The following CFAP54 variants were observed in gnomAD, a reference collection of about 807,000 sequenced individuals.
CFAP54 encodes cilia and flagella associated protein 54, also known as cilia- and flagella-associated protein 54.
Under a neutral mutation model 370.4 loss-of-function variants are expected in CFAP54, and 290 were observed. The observed-to-expected ratio is 0.78, with a 90% CI of 0.71 to 0.86. CFAP54 has a LOEUF of 0.86. Ranked by LOEUF, CFAP54 falls within the 40% of genes least tolerant of loss-of-function variation. CFAP54 has a pLI of 0.00. For missense variants in CFAP54, 3,399 were observed against 3,528.7 expected, an observed-to-expected ratio of 0.96 and a Z score of 0.93; for synonymous variants, 1,206 against 1,236.5, an observed-to-expected ratio of 0.98 and a Z score of 0.52.
intron 11 of CFAP54, among the ~76,000 whole-genome samples, chr12:96,535,008 C>CTGTG (rs4018882): frequency 0.059 from 8,070 of 137,290 alleles, 245 homozygotes; most frequent in African/African-American, 0.079. Context: ...GTTTTCTTTT[C>CTGTG]TGTGTGTGTG....
rs1958928979 is a variant in CFAP54 at position 96,811,632 on chromosome 12, C to T, written c.8851-104C>T. On this transcript the variant is annotated intron_variant, in intron 63 of 67. Coordinates refer to ENST00000524981, the MANE Select transcript of CFAP54 (RefSeq NM_001306084.2). ...CCAATTTTTCTCTTCTAAACAAATACTTTTCAAAGTACAGTGATATTATTT... is the reference window on the plus strand; with the variant it reads ...CCAATTTTTCTCTTCTAAACAAATATTTTTCAAAGTACAGTGATATTATTT... 8 of 602,816 alleles carry T rather than the reference C, an allele frequency of 1.3e-5. No individual in the cohort carries two copies. In the South Asian group the frequency reaches 2.1e-4, roughly 16 times the overall value. 37.3% of individuals were successfully genotyped at this position (602,816 alleles called of 1,614,324 possible).
At chr12:96,604,529 T>C (rs1304102389) in intron 26 of CFAP54, among the ~76,000 whole-genome samples, 1 of 152,268 alleles carries the variant, frequency 6.6e-6, no homozygotes, top group Non-Finnish European at 1.5e-5. Flanking sequence ...CAAAGCTGTC[T>C]GCTGCCTTTT....
intron 8 of CFAP54, among the ~76,000 whole-genome samples, chr12:96,522,471 A>G (rs1264740250): frequency 6.6e-6 from 1 of 152,206 alleles, no homozygotes; most frequent in African/African-American, 2.4e-5. Context: ...GCTCTTGCAA[A>G]TGAATAGGCC....
At chr12:96,521,463 C>T (rs1279704729) in intron 6 of CFAP54, among the ~76,000 whole-genome samples, 1 of 151,212 alleles carries the variant, frequency 6.6e-6, no homozygotes, top group African/African-American at 2.4e-5. Flanking sequence ...TACAGCATGT[C>T]ATGATAGGAA....
chr12:96,743,279 T>G (rs1958072476), intron 52 of CFAP54, 123 bp from the exon 53 acceptor site: 1 of 944,942 alleles, frequency 1.1e-6, no homozygotes, highest in African/African-American at 1.7e-5. Flanking sequence ...GTTTTCCATC[T>G]TAATATACTC....
At chr12:96,661,812 T>A (rs1200770850) in intron 38 of CFAP54, among the ~76,000 whole-genome samples, 2 of 152,204 alleles carry the variant, frequency 1.3e-5, no homozygotes, top group African/African-American at 4.8e-5. Context: ...CCTAACCAAG[T>A]TGATCCATTA....
In CFAP54 at chr12:96,540,927, C is replaced by T. The variant is rs552575742; in HGVS notation, c.2017C>T (p.Arg673Trp). The change falls in exon 14 of 68, where the codon CGG becomes TGG. Residue 673 changes from arginine to tryptophan, a missense_variant. By Grantham distance (101) the Arg-to-Trp change is moderately radical (BLOSUM62 -3). Around this residue, in one of 3 missense-constraint regions of CFAP54, gnomAD observed 2,796 missense variants for 2,869.7 expected, o/e 0.97. Transcript: ENST00000524981. The part of the protein sequence containing the change: ...DIVVVAEVTL[R>W]LSEILESLGS... ...TGTGGTAGTGGCAGAAGTCACATTA[C>T]GGTTAAGTGAAATATTGGAATCTTT... is the stretch of plus-strand genomic sequence containing the variant. 22 of 1,519,100 alleles carry T rather than the reference C, an allele frequency of 1.4e-5. No homozygotes were observed. The highest frequency in any genetic ancestry group is 1.0e-4 in the Admixed American group (5 of 48,304). The allele number at this position is 1,519,100 out of a possible 1,614,324, so 94.1% of individuals were successfully genotyped here. A position where few individuals can be genotyped will look rare whatever the true frequency, so the allele number is the denominator to read the frequency against.
intron 50 of CFAP54, among the ~76,000 whole-genome samples, chr12:96,738,906 G>T (rs940467986): frequency 1.3e-5 from 2 of 152,220 alleles, no homozygotes; most frequent in Middle Eastern, 3.4e-3. Context: ...CACTGCACCC[G>T]GCCCAAATCT....
chr12:96,672,349 G>A (rs1957156959), intron 39 of CFAP54, among the ~76,000 whole-genome samples: 1 of 152,164 alleles, frequency 6.6e-6, no homozygotes, highest in South Asian at 2.1e-4. Flanking sequence ...AAGTGTGTAG[G>A]TGGTAAAGGT....
chr12:96,840,211 A>G (rs950003565), intron 66 of CFAP54, among the ~76,000 whole-genome samples: 2 of 152,176 alleles, frequency 1.3e-5, no homozygotes, highest in Non-Finnish European at 1.5e-5. Flanking sequence ...TGCTTAGGCA[A>G]TTTTTTAGTG....
At chr12:96,604,533 G>A (rs1225027469) in intron 26 of CFAP54, among the ~76,000 whole-genome samples, 1 of 152,252 alleles carries the variant, frequency 6.6e-6, no homozygotes, top group Admixed American at 6.5e-5. Flanking sequence ...GCTGTCTGCT[G>A]CCTTTTATTC....
intron 22 of CFAP54, among the ~76,000 whole-genome samples, chr12:96,585,520 T>G (rs1177021777): frequency 6.6e-6 from 1 of 152,044 alleles, no homozygotes; most frequent in African/African-American, 2.4e-5. Context: ...TTCCCCCACT[T>G]CACAGACCTA....
intron 40 of CFAP54, among the ~76,000 whole-genome samples, chr12:96,681,124 C>A (rs1304733615): frequency 6.6e-6 from 1 of 151,744 alleles, no homozygotes; most frequent in Non-Finnish European, 1.5e-5. Context: ...CCCCCCCACA[C>A]ACACACACAA....
intron 50 of CFAP54, among the ~76,000 whole-genome samples, chr12:96,734,872 T>G (rs1957961564): frequency 1.3e-5 from 2 of 152,300 alleles, no homozygotes; most frequent in South Asian, 2.1e-4. Flanking sequence ...CAACCATACA[T>G]AGAAAAACAA....
At chr12:96,522,735 G>A (rs755784318) in intron 8 of CFAP54, among the ~76,000 whole-genome samples, 1 of 152,120 alleles carries the variant, frequency 6.6e-6, no homozygotes, top group Non-Finnish European at 1.5e-5. Flanking sequence ...CCTTACAAAA[G>A]CTGCTCAGGG....
intron 17 of CFAP54, among the ~76,000 whole-genome samples, chr12:96,561,195 C>T (rs1368859653): frequency 2.0e-5 from 3 of 152,212 alleles, no homozygotes; most frequent in African/African-American, 4.8e-5. Context: ...GGGAGCAACC[C>T]GGTTGGAGGT....
intron 39 of CFAP54, among the ~76,000 whole-genome samples, chr12:96,664,236 G>T (rs10860060): frequency 0.043 from 6,490 of 152,098 alleles, 210 homozygotes; most frequent in African/African-American, 0.096. Flanking sequence ...TTATCACCCA[G>T]CTGTTAAGCC....
At chr12:96,631,451 T>G (rs959532198) in intron 32 of CFAP54, among the ~76,000 whole-genome samples, 2 of 149,222 alleles carry the variant, frequency 1.3e-5, no homozygotes, top group Non-Finnish European at 3.0e-5. Flanking sequence ...TAATGCATGC[T>G]GTAATTTTTT....
chr12:96,826,867 A>ATT (rs1178855925), intron 65 of CFAP54, among the ~76,000 whole-genome samples: 3 of 117,172 alleles, frequency 2.6e-5, no homozygotes, highest in East Asian at 2.8e-4. Flanking sequence ...ATTATATAAT[A>ATT]TTATGATATA....
Sources: allele counts gnomAD v4.1 joint callset (sites outside exome capture counted in the v4.1 genomes callset), GRCh38; gene constraint gnomAD v4.1.1; regional missense constraint gnomAD v4.1.1; transcripts MANE v1.5; gene names NCBI Gene and HGNC (gene_info 2026-07-23, HGNC 2026-07-21).